Variants in ROBO2 observed in about 807,000 individuals in gnomAD.
ROBO2 encodes the protein roundabout homolog 2.
Under a neutral mutation model 160.8 loss-of-function variants are expected in ROBO2, and 53 were observed. The observed-to-expected ratio is 0.33, with a 90% CI of 0.26 to 0.41. ROBO2 has a LOEUF of 0.41. Ranked by LOEUF, ROBO2 falls within the 10% of genes least tolerant of loss-of-function variation. The pLI is 1.00. For synonymous variants in ROBO2, 664 were observed against 611.7 expected (o/e 1.09, Z -1.26); for missense variants, 1,577 against 1,722.4 (o/e 0.92, Z 1.49).
In ROBO2 at chr3:76,336,146, A is replaced by G. The variant is rs137874083; in HGVS notation, c.109+398544A>G. Among the ~76,000 whole-genome samples, 223 of 152,318 alleles carry G rather than the reference A, an allele frequency of 1.5e-3. 1 individual carries two copies. Among genetic ancestry groups the G allele is most frequent in the African/African-American group, 5.1e-3 (211 of 41,570 alleles). On this transcript the variant is annotated intron_variant, in intron 2 of 26. Coordinates refer to the ROBO2 transcript ENST00000487694. Reference sequence around the variant, plus strand: ...TAGGCTCTTTCTGTGTTATTGATATACAGTGACCTAAAATCTTGTTCTCAT... The same window carrying G: ...TAGGCTCTTTCTGTGTTATTGATATGCAGTGACCTAAAATCTTGTTCTCAT...
chr3:76,254,631 G>A (rs1460864301), intron 2 of ROBO2, among the ~76,000 whole-genome samples: 4 of 151,980 alleles, frequency 2.6e-5, no homozygotes, highest in South Asian at 4.1e-4. Context: ...AGGTTGGAGA[G>A]GAAAGTATAC....
At chr3:77,295,580 C>T (rs546256081) in intron 2 of ROBO2, among the ~76,000 whole-genome samples, 21 of 73,948 alleles carry the variant, frequency 2.8e-4, no homozygotes, top group African/African-American at 5.2e-4. Context: ...GACTGTTAAA[C>T]GGGTAAGCTG....
chr3:77,390,549 C>T (rs1382235542), intron 2 of ROBO2, among the ~76,000 whole-genome samples: 3 of 152,240 alleles, frequency 2.0e-5, no homozygotes, highest in Non-Finnish European at 4.4e-5. Context: ...ATCCCTTGCT[C>T]TTCTGCCATA....
intron 2 of ROBO2, among the ~76,000 whole-genome samples, chr3:76,671,653 T>A (rs1449574831): frequency 1.3e-5 from 2 of 152,128 alleles, no homozygotes; most frequent in East Asian, 3.8e-4. Flanking sequence ...ATGCTAACAG[T>A]CATACAAGAT....
At chr3:77,292,761 G>T (rs1225744225) in intron 2 of ROBO2, among the ~76,000 whole-genome samples, 1 of 95,724 alleles carries the variant, frequency 1.0e-5, no homozygotes, top group Non-Finnish European at 2.8e-5. Context: ...GAGCACTAAA[G>T]ACATAAAGTA....
chr3:76,594,749 T>C (rs533463106), intron 2 of ROBO2, among the ~76,000 whole-genome samples: 14 of 152,210 alleles, frequency 9.2e-5, no homozygotes, highest in African/African-American at 2.4e-4. Flanking sequence ...AAATAAATGA[T>C]GTTCCCAAAT....
At position 75,950,844 on chromosome 3, in the gene ROBO2, G is replaced by A. The variant is rs138953171; in HGVS notation, c.109+13242G>A. Among the ~76,000 whole-genome samples the A allele has an allele frequency of 6.2e-4, 95 of 152,116 alleles. No individual in the cohort carries two copies. The East Asian group carries it at 0.018, about 29-fold the overall frequency. Reference sequence around the variant, plus strand: ...GTGAGTGCACCTGCAATGCTATGGCGTCCTGTCCAGGGCTGGTTCCCACAT... The same window carrying A: ...GTGAGTGCACCTGCAATGCTATGGCATCCTGTCCAGGGCTGGTTCCCACAT... On this transcript the variant is annotated intron_variant, in intron 2 of 26. Coordinates refer to the ROBO2 transcript ENST00000487694.
intron 2 of ROBO2, among the ~76,000 whole-genome samples, chr3:76,185,215 T>TAGATATATATATATATATATACAC: frequency 1.6e-4 from 14 of 90,230 alleles, no homozygotes; most frequent in Non-Finnish European, 2.5e-4. Context: ...TATATATATA[T>TAGATATATATATATATATATACAC]ACACACACAA....
At chr3:77,403,415 A>G (rs1170059282) in intron 2 of ROBO2, among the ~76,000 whole-genome samples, 1 of 152,106 alleles carries the variant, frequency 6.6e-6, no homozygotes, top group Non-Finnish European at 1.5e-5. Context: ...CTCTGCATCT[A>G]TGACTTCCAC....
intron 2 of ROBO2, among the ~76,000 whole-genome samples, chr3:76,114,678 CTT>C (rs2070382529): frequency 6.6e-6 from 1 of 152,066 alleles, no homozygotes. Flanking sequence ...ATACATCAGA[CTT>C]TGGAGCCCAC....
At chr3:76,655,966 T>C (rs1334924600) in intron 2 of ROBO2, among the ~76,000 whole-genome samples, 2 of 152,112 alleles carry the variant, frequency 1.3e-5, no homozygotes, top group Admixed American at 1.3e-4. Flanking sequence ...GGCTTAATGG[T>C]GGCATGTTAT....
At chr3:76,258,624 T>C (rs1291198688) in intron 2 of ROBO2, among the ~76,000 whole-genome samples, 1 of 152,026 alleles carries the variant, frequency 6.6e-6, no homozygotes, top group African/African-American at 2.4e-5. Flanking sequence ...TTGTATCTAA[T>C]TTTACTCTGT....
intron 2 of ROBO2, among the ~76,000 whole-genome samples, chr3:77,211,298 G>A (rs1580013343): frequency 6.6e-6 from 1 of 152,140 alleles, no homozygotes. Context: ...GTGTGCGATG[G>A]TATCTCATTG....
At chr3:76,390,240 C>T (rs1648122918) in intron 2 of ROBO2, among the ~76,000 whole-genome samples, 1 of 152,104 alleles carries the variant, frequency 6.6e-6, no homozygotes, top group Non-Finnish European at 1.5e-5. Context: ...TACAGAAACA[C>T]TATCATCATA....
chr3:77,410,985 T>C (rs2076755294), intron 2 of ROBO2, among the ~76,000 whole-genome samples: 1 of 152,022 alleles, frequency 6.6e-6, no homozygotes, highest in Admixed American at 6.6e-5. Flanking sequence ...AAAAATGTTT[T>C]GCAGAGATGA....
chr3:76,222,469 TCCCAACCCG>T (rs1234226402), intron 2 of ROBO2, among the ~76,000 whole-genome samples: 1 of 148,410 alleles, frequency 6.7e-6, no homozygotes, highest in African/African-American at 2.5e-5. Context: ...GTGTCACTTC[TCCCAACCCG>T]CCCAACCCTT....
intron 2 of ROBO2, among the ~76,000 whole-genome samples, chr3:77,392,129 A>G (rs771223258): frequency 2.6e-5 from 4 of 152,190 alleles, no homozygotes; most frequent in Non-Finnish European, 5.9e-5. Flanking sequence ...TTGACTTCAT[A>G]AATTATATTT....
chr3:77,575,041 C>T (rs998984515), intron 14 of ROBO2, among the ~76,000 whole-genome samples: 1 of 152,040 alleles, frequency 6.6e-6, no homozygotes, highest in Non-Finnish European at 1.5e-5. Flanking sequence ...GAAAGACAGA[C>T]GACTGGAAAT....
At chr3:75,939,423 C>G (rs1947939823) in intron 2 of ROBO2, among the ~76,000 whole-genome samples, 1 of 152,130 alleles carries the variant, frequency 6.6e-6, no homozygotes, top group African/African-American at 2.4e-5. Context: ...AATATTCTAT[C>G]TTTCATTGGG....
Sources: allele counts gnomAD v4.1 joint callset (sites outside exome capture counted in the v4.1 genomes callset), GRCh38; gene constraint gnomAD v4.1.1; transcripts MANE v1.5; gene names NCBI Gene and HGNC (gene_info 2026-07-23, HGNC 2026-07-21).